Variants in NPAS2 observed in about 807,000 individuals in gnomAD.
The protein encoded by NPAS2 is neuronal PAS domain protein 2.
In NPAS2, 23 loss-of-function variants were observed where a neutral mutation model predicts 107.5. The ratio of observed to expected loss-of-function variants is 0.21; its 90% CI spans 0.15 to 0.30. NPAS2 has a LOEUF of 0.30. Among genes scored for constraint, NPAS2 ranks in the 10% least tolerant of loss-of-function variants. The pLI is 1.00. For missense variants in NPAS2, 756 were observed against 1,043.3 expected, an observed-to-expected ratio of 0.72 and a Z score of 3.79; for synonymous variants, 403 against 417.5, an observed-to-expected ratio of 0.97 and a Z score of 0.42.
Position 100,974,886 on chromosome 2 carries a change from A to T in NPAS2, c.1224A>T (p.Pro408=), listed in dbSNP as rs1459734917. ...CGGGCCTTAATACCAGTCATTCGCCATCGGCGTCCTCAAGAAGTTCCCACA... is the reference window on the plus strand; with the variant it reads ...CGGGCCTTAATACCAGTCATTCGCCTTCGGCGTCCTCAAGAAGTTCCCACA... ...GASGLNTSHS[P]SASSRSSHKS... Residue 408 remains proline (P), a synonymous_variant, in exon 13 of 21, where the codon CCA becomes CCT. Transcript: ENST00000335681. The T allele has an allele frequency of 6.2e-7, 1 of 1,613,972 alleles. No homozygotes were observed. The highest frequency in any genetic ancestry group is 1.7e-5 in the Admixed American group (1 of 60,000).
intron 1 of NPAS2, among the ~76,000 whole-genome samples, chr2:100,834,559 C>G (rs1182585383): frequency 1.3e-5 from 2 of 152,226 alleles, no homozygotes; most frequent in Non-Finnish European, 2.9e-5. Context: ...TGCCTACTTA[C>G]TTGACCAGCT....
At chr2:100,945,176 G>A (rs4851384) in intron 5 of NPAS2, among the ~76,000 whole-genome samples, 15,147 of 152,060 alleles carry the variant, frequency 0.1, 1,378 homozygotes, top group East Asian at 0.38. Flanking sequence ...GATAAAGACC[G>A]GTGCGTCCGA....
chr2:100,950,924 A>G (rs894918429), intron 7 of NPAS2, among the ~76,000 whole-genome samples: 4 of 152,216 alleles, frequency 2.6e-5, no homozygotes, highest in Admixed American at 2.6e-4. Flanking sequence ...AGTAAATGGA[A>G]GCTCTCGTTG....
intron 1 of NPAS2, among the ~76,000 whole-genome samples, chr2:100,901,812 A>G (rs1006677685): frequency 6.6e-6 from 1 of 151,868 alleles, no homozygotes; most frequent in Non-Finnish European, 1.5e-5. Context: ...CACCTTTACA[A>G]AGAGCCCCCC....
At chr2:100,837,471 G>T (rs796887155) in intron 1 of NPAS2, among the ~76,000 whole-genome samples, 24 of 151,992 alleles carry the variant, frequency 1.6e-4, no homozygotes, top group African/African-American at 5.6e-4. Flanking sequence ...TGTATTTTTA[G>T]TAGAGACGGT....
chr2:100,843,436 TAAG>T (rs2104434891), intron 1 of NPAS2, among the ~76,000 whole-genome samples: 2 of 152,228 alleles, frequency 1.3e-5, no homozygotes, highest in South Asian at 4.2e-4. Context: ...AGGGGGCAGG[TAAG>T]AAGCACATTT....
chr2:100,889,576 C>T (rs1446926668), intron 1 of NPAS2, among the ~76,000 whole-genome samples: 3 of 152,136 alleles, frequency 2.0e-5, no homozygotes, highest in Non-Finnish European at 4.4e-5. Flanking sequence ...TTTACCACAC[C>T]GGATATCCTG....
intron 1 of NPAS2, among the ~76,000 whole-genome samples, chr2:100,866,593 C>G (rs973031389): frequency 2.0e-5 from 3 of 152,168 alleles, no homozygotes; most frequent in Non-Finnish European, 4.4e-5. Context: ...ATATACATCA[C>G]AAAATATTCA....
chr2:100,907,388 G>A (rs1164096773), intron 2 of NPAS2, among the ~76,000 whole-genome samples: 1 of 151,742 alleles, frequency 6.6e-6, no homozygotes, highest in Non-Finnish European at 1.5e-5. Flanking sequence ...AGTGAGGCTG[G>A]GGCCCACACT....
At chr2:100,826,921 A>G (rs1024700003) in intron 1 of NPAS2, among the ~76,000 whole-genome samples, 5 of 152,192 alleles carry the variant, frequency 3.3e-5, no homozygotes, top group Non-Finnish European at 5.9e-5. Context: ...ATAGTTTTCT[A>G]TTCTGATTGT....
At chr2:100,820,033 G>GAGGAGGAGGAGGGTGGGGGT, upstream of NPAS2, 2 of 151,222 alleles carry the variant, frequency 1.3e-5, no homozygotes, top group South Asian at 4.2e-4. This position sits in a 1 kb window ranked among gnomAD's most constrained non-coding sequence, Gnocchi z 5.6. Context: ...CAGGCGAGGG[G>GAGGAGGAGGAGGGTGGGGGT]AGGAGGAGGA....
intron 1 of NPAS2, among the ~76,000 whole-genome samples, chr2:100,901,871 T>C (rs1274756903): frequency 6.6e-6 from 1 of 152,046 alleles, no homozygotes; most frequent in Non-Finnish European, 1.5e-5. Flanking sequence ...TGCTTTCCTG[T>C]TGGGACCCTG....
At chr2:100,865,313 G>T (rs896957548) in intron 1 of NPAS2, among the ~76,000 whole-genome samples, 3 of 152,120 alleles carry the variant, frequency 2.0e-5, no homozygotes, top group African/African-American at 7.2e-5. Context: ...TCGTGCTGCC[G>T]CCTGAGCCAG....
chr2:100,965,574 T>G lies in NPAS2; in HGVS notation c.801-86T>G. 1 of 766,536 alleles carries G rather than the reference T, an allele frequency of 1.3e-6. No homozygotes were observed. The highest frequency in any genetic ancestry group is 2.2e-6 in the Non-Finnish European group (1 of 450,790). 47.5% of individuals were successfully genotyped at this position (766,536 alleles called of 1,614,324 possible). On this transcript the variant is annotated intron_variant, in intron 9 of 20. Coordinates refer to ENST00000335681, the MANE Select transcript of NPAS2 (RefSeq NM_002518.4). This position sits in a 1 kb window ranked among gnomAD's most constrained non-coding sequence, Gnocchi z 4.3. The stretch of plus-strand genomic sequence containing the variant: ...TTCTTGAGAAATGAGGCCTCCATGT[T>G]GATCATTATGGAAAGGCATGGCCAC...
chr2:100,837,172 C>T (rs77908657), intron 1 of NPAS2, among the ~76,000 whole-genome samples: 2,105 of 152,136 alleles, frequency 0.014, 43 homozygotes, highest in African/African-American at 0.047. Context: ...CACTTGAGTT[C>T]GGGCAGAATA....
intron 1 of NPAS2, among the ~76,000 whole-genome samples, chr2:100,826,168 G>C (rs961043142): frequency 6.6e-6 from 1 of 152,208 alleles, no homozygotes; most frequent in Non-Finnish European, 1.5e-5. Flanking sequence ...CTAAGGCCGG[G>C]TGCACTGACT....
At chr2:100,877,441 G>A (rs1390783938) in intron 1 of NPAS2, among the ~76,000 whole-genome samples, 3 of 83,338 alleles carry the variant, frequency 3.6e-5, no homozygotes, top group East Asian at 3.2e-4. Context: ...GTGAGACTCC[G>A]TCTCAAAAAA....
Position 100,943,778 on chromosome 2 carries a change from G to A in NPAS2, c.364-4457G>A, listed in dbSNP as rs142435630. Among the ~76,000 whole-genome samples, 167 of 152,334 alleles carry A rather than the reference G, an allele frequency of 1.1e-3. 1 individual carries two copies. The highest frequency in any genetic ancestry group is 3.5e-3 in the African/African-American group (146 of 41,586). Reference sequence around the variant, plus strand: ...TCCCCATGATAAGAGATGGGGGCTTGGCTGGGGGACCTCATCCATGGGTCT... The same window carrying A: ...TCCCCATGATAAGAGATGGGGGCTTAGCTGGGGGACCTCATCCATGGGTCT... On this transcript the variant is annotated intron_variant, in intron 5 of 20. Transcript: ENST00000335681.
At chr2:100,884,007 C>T (rs770132788) in intron 1 of NPAS2, among the ~76,000 whole-genome samples, 11 of 152,260 alleles carry the variant, frequency 7.2e-5, no homozygotes, top group Non-Finnish European at 1.3e-4. Context: ...CTCTTGCTTC[C>T]GTGGGGAGCA....
Sources: allele counts gnomAD v4.1 joint callset (sites outside exome capture counted in the v4.1 genomes callset), GRCh38; gene constraint gnomAD v4.1.1; non-coding constraint Gnocchi (gnomAD v3.1); transcripts MANE v1.5; gene names NCBI Gene and HGNC (gene_info 2026-07-23, HGNC 2026-07-21).